The following AJAP1 variants were observed in gnomAD, a reference collection of about 807,000 sequenced individuals.
AJAP1 encodes the protein adherens junction-associated protein 1.
AJAP1 carries 5 observed loss-of-function variants against 35.0 expected under a neutral mutation model. The observed-to-expected ratio is 0.14, with a 90% CI of 0.07 to 0.30. AJAP1 has a LOEUF of 0.30. AJAP1 is among the 10% of genes least tolerant of loss of function. The probability of loss-of-function intolerance (pLI) is 1.00; values close to 1 mark genes in which losing one functional copy is unlikely to be tolerated. For synonymous variants in AJAP1, 284 were observed against 249.3 expected, an observed-to-expected ratio of 1.14 and a Z score of -1.31; for missense variants, 586 against 571.0, an observed-to-expected ratio of 1.03 and a Z score of -0.27.
intron 1 of AJAP1, among the ~76,000 whole-genome samples, chr1:4,690,810 A>G (rs1454511544): frequency 6.6e-6 from 1 of 152,126 alleles, no homozygotes; most frequent in Non-Finnish European, 1.5e-5. Flanking sequence ...GGAAGCCTCC[A>G]CTCGGCCGCT....
intron 2 of AJAP1, among the ~76,000 whole-genome samples, chr1:4,748,122 C>G (rs1437956980): frequency 6.6e-6 from 1 of 152,132 alleles, no homozygotes; most frequent in African/African-American, 2.4e-5. Context: ...GCCATCCCCT[C>G]ACCTGACCTT....
At chr1:4,722,881 A>G (rs1405835117) in intron 2 of AJAP1, among the ~76,000 whole-genome samples, 1 of 152,148 alleles carries the variant, frequency 6.6e-6, no homozygotes, top group African/African-American at 2.4e-5. Context: ...AGGTCAGGGC[A>G]TTGGGCTGGG....
intron 2 of AJAP1, among the ~76,000 whole-genome samples, chr1:4,744,484 G>A (rs1641142495): frequency 6.6e-6 from 1 of 152,182 alleles, no homozygotes; most frequent in South Asian, 2.1e-4. Flanking sequence ...GGCCTAGCCA[G>A]AAAGACAGGG....
At chr1:4,733,186 C>T (rs1446261096) in intron 2 of AJAP1, among the ~76,000 whole-genome samples, 1 of 152,008 alleles carries the variant, frequency 6.6e-6, no homozygotes, top group African/African-American at 2.4e-5. Context: ...GGTAGCAGAA[C>T]CCCCAGGGCT....
At chr1:4,686,552 G>A (rs1031670114) in intron 1 of AJAP1, among the ~76,000 whole-genome samples, 3 of 152,190 alleles carry the variant, frequency 2.0e-5, no homozygotes, top group Non-Finnish European at 2.9e-5. Context: ...AGTCTTTATG[G>A]ATAATACACT....
chr1:4,701,699 G>T (rs989313973), intron 1 of AJAP1, among the ~76,000 whole-genome samples: 7 of 152,200 alleles, frequency 4.6e-5, no homozygotes, highest in African/African-American at 1.7e-4. Flanking sequence ...GTCCCCTGAG[G>T]GGCAAAATCA....
chr1:4,690,631 C>T (rs1012845837), intron 1 of AJAP1, among the ~76,000 whole-genome samples: 1 of 152,166 alleles, frequency 6.6e-6, no homozygotes, highest in African/African-American at 2.4e-5. Context: ...CCAGACAGAC[C>T]TTATTTCATC....
Position 4,786,210 on chromosome 1 carries a change from A to G in AJAP1, c.*3725A>G, listed in dbSNP as rs1407295565. ...TGTGGAGGTGGCTGCTAGTGTTCCT[A>G]TTTACTGCCCTCCTTGCACACAGAA... On this transcript the variant is annotated 3_prime_UTR_variant, in exon 6 of 6. Coordinates refer to ENST00000378191, the MANE Select transcript of AJAP1 (RefSeq NM_018836.4). 6.6e-6 allele frequency: 1 copy of G among 151,826 alleles called. No homozygotes were observed. The highest frequency in any genetic ancestry group is 1.5e-5 in the Non-Finnish European group (1 of 67,984). The allele number at this position is 151,826 out of a possible 1,614,324, so 9.4% of individuals were successfully genotyped here.
Position 4,712,177 on chromosome 1 carries a change from A to C in AJAP1, c.307A>C (p.Arg103=), listed in dbSNP as rs964657441. ...MQMPRARRAH[R]PRDQAAALVP... ...GATGCCTCGAGCCAGACGGGCCCAC[A>C]GGCCCCGGGACCAGGCGGCCGCCCT... The change falls in exon 2 of 6, where the codon AGG becomes CGG. Residue 103 remains arginine, a synonymous_variant. Transcript: ENST00000378191. The C allele has an allele frequency of 1.3e-6, 2 of 1,563,876 alleles. No homozygotes were observed. The highest frequency in any genetic ancestry group is 1.9e-5 in the Admixed American group (1 of 53,592).
At chr1:4,781,278 G>C (rs971439308) in intron 5 of AJAP1, among the ~76,000 whole-genome samples, 33 of 152,286 alleles carry the variant, frequency 2.2e-4, no homozygotes, top group African/African-American at 7.2e-4. Context: ...GAGAGAGAAA[G>C]CCGCACCCTT....
chr1:4,697,730 T>C (rs2100238445), intron 1 of AJAP1, among the ~76,000 whole-genome samples: 1 of 152,338 alleles, frequency 6.6e-6, no homozygotes, highest in South Asian at 2.1e-4. Flanking sequence ...CCTGAGGGTG[T>C]GCACACGTCT....
intron 2 of AJAP1, among the ~76,000 whole-genome samples, chr1:4,744,945 G>A (rs746025899): frequency 6.6e-6 from 1 of 152,034 alleles, no homozygotes; most frequent in Non-Finnish European, 1.5e-5. Flanking sequence ...TTCGGGGCTG[G>A]GAGGCTCCTG....
intron 1 of AJAP1, among the ~76,000 whole-genome samples, chr1:4,690,333 A>G (rs72857959): frequency 0.018 from 2,694 of 152,074 alleles, 67 homozygotes; most frequent in African/African-American, 0.061. Context: ...CTGGGTCTGC[A>G]AAGTCCAGCC....
chr1:4,675,072 TG>T (rs952950084), intron 1 of AJAP1, among the ~76,000 whole-genome samples: 22 of 151,842 alleles, frequency 1.4e-4, no homozygotes, highest in Non-Finnish European at 2.9e-4. Context: ...TGGAGAGCGG[TG>T]GGGGGGAAAC....
In AJAP1 at chr1:4,773,114, GAATTA is replaced by G. The variant is rs1044078682; in HGVS notation, c.1163+597_1163+601del. ...GAGTCAGCTTTCAAAGGTTTGTCCA[GAATTA>G]AATTAAAGTATCAATAAGCTTTTTT... On this transcript the variant is annotated intron_variant, in intron 4 of 5. Coordinates refer to ENST00000378191, the MANE Select transcript of AJAP1 (RefSeq NM_018836.4). 4.6e-5 allele frequency among the ~76,000 whole-genome samples: 7 copies of G among 152,160 alleles called. No homozygotes were observed. In the East Asian group the frequency reaches 7.7e-4, roughly 17 times the overall value.
chr1:4,697,685 C>T (rs984584836), intron 1 of AJAP1, among the ~76,000 whole-genome samples: 7 of 152,252 alleles, frequency 4.6e-5, no homozygotes, highest in Admixed American at 3.9e-4. Flanking sequence ...ACGCCAGCCC[C>T]TCATGGGTAA....
intron 1 of AJAP1, among the ~76,000 whole-genome samples, chr1:4,708,225 C>T (rs1640144643): frequency 6.6e-6 from 1 of 152,014 alleles, no homozygotes; most frequent in Admixed American, 6.5e-5. Context: ...CTCGGCCTCC[C>T]AAAGTGCTGG....
In AJAP1 at chr1:4,772,312, G is replaced by A. The variant is rs768552159; in HGVS notation, c.950G>A (p.Ser317Asn). 2 of 1,614,172 alleles carry A rather than the reference G, an allele frequency of 1.2e-6. No individual in the cohort carries two copies. Among genetic ancestry groups the A allele is most frequent in the South Asian group, 2.2e-5 (2 of 91,090 alleles). Residue 317 changes from serine (S) to asparagine (N), a missense_variant, in exon 4 of 6, where the codon AGC becomes AAC. By Grantham distance (46) the Ser-to-Asn change is conservative. Coordinates refer to ENST00000378191, the MANE Select transcript of AJAP1 (RefSeq NM_018836.4). ...CAAAGCGGGAACACTCGTCGGAACA[G>A]CCACCAGCGGAAGACCAACCAGCAG... ...CAQSGNTRRN[S>N]HQRKTNQQEE...
intron 1 of AJAP1, among the ~76,000 whole-genome samples, chr1:4,700,783 G>C (rs1333237210): frequency 6.6e-6 from 1 of 152,202 alleles, no homozygotes. Context: ...CACATCCTGA[G>C]TGCTGCCCAG....
Sources: allele counts gnomAD v4.1 joint callset (sites outside exome capture counted in the v4.1 genomes callset), GRCh38; gene constraint gnomAD v4.1.1; transcripts MANE v1.5; gene names NCBI Gene and HGNC (gene_info 2026-07-23, HGNC 2026-07-21).